WWOX: variants seen among roughly 807,000 people sequenced by gnomAD.
WWOX encodes WW domain containing oxidoreductase.
Under a neutral mutation model 46.2 loss-of-function variants are expected in WWOX, and 69 were observed. The observed-to-expected ratio is 1.49, with a 90% CI of 1.23 to 1.82. The LOEUF is 1.82. Among genes scored for constraint, WWOX ranks in the 40% most tolerant of loss-of-function variants. The pLI, the probability that WWOX is intolerant of heterozygous loss-of-function variation, is 0.00. For missense variants in WWOX, 919 were observed against 542.6 expected (o/e 1.69, Z -6.89); for synonymous variants, 359 against 202.6 (o/e 1.77, Z -6.56).
At chr16:78,977,717 G>C (rs1252546408) in intron 8 of WWOX, among the ~76,000 whole-genome samples, 3 of 152,082 alleles carry the variant, frequency 2.0e-5, no homozygotes, top group African/African-American at 7.2e-5. Flanking sequence ...GGGGCAGGGG[G>C]TGCAGGGGGT....
chr16:78,419,793 C>T (rs2082881010), intron 6 of WWOX, among the ~76,000 whole-genome samples: 2 of 151,844 alleles, frequency 1.3e-5, no homozygotes, highest in South Asian at 4.2e-4. Flanking sequence ...AAAAGATATC[C>T]AGAATGATCC....
intron 8 of WWOX, among the ~76,000 whole-genome samples, chr16:79,128,010 C>G (rs972205227): frequency 5.3e-5 from 8 of 152,116 alleles, no homozygotes; most frequent in African/African-American, 1.9e-4. Flanking sequence ...ATGGCAAAGA[C>G]CCATCATTGA....
At chr16:78,621,510 A>G (rs981843479) in intron 8 of WWOX, among the ~76,000 whole-genome samples, 3 of 137,278 alleles carry the variant, frequency 2.2e-5, no homozygotes, top group Admixed American at 7.5e-5. Context: ...TTTTACTTCT[A>G]TTTGGTAGTC....
At chr16:78,886,097 G>T (rs553285865) in intron 8 of WWOX, among the ~76,000 whole-genome samples, 1 of 151,718 alleles carries the variant, frequency 6.6e-6, no homozygotes, top group Non-Finnish European at 1.5e-5. Flanking sequence ...GCTAATTTTT[G>T]TATATTTAGT....
chr16:79,174,828 A>G (rs2050769220), intron 8 of WWOX, among the ~76,000 whole-genome samples: 1 of 152,248 alleles, frequency 6.6e-6, no homozygotes, highest in Non-Finnish European at 1.5e-5. Context: ...ACTAATTAAG[A>G]GTAAAAAGAT....
chr16:78,998,425 G>C (rs900726303), intron 8 of WWOX, among the ~76,000 whole-genome samples: 3 of 152,138 alleles, frequency 2.0e-5, no homozygotes, highest in African/African-American at 7.2e-5. Context: ...ACATGTGTTT[G>C]TAGAAGGAAC....
Position 78,735,986 on chromosome 16 carries a change from C to T in WWOX, c.1056+303234C>T, listed in dbSNP as rs928242912. The stretch of plus-strand genomic sequence containing the variant: ...GAGAAAACTAGTGTGCCACCTCAAG[C>T]GATTCTGGCCTCTGTTGACTGTCTG... On this transcript the variant is annotated intron_variant, in intron 8 of 8. Transcript: ENST00000566780. Among the ~76,000 whole-genome samples the T allele has an allele frequency of 3.9e-5, 6 of 152,282 alleles. No individual in the cohort carries two copies. In the East Asian group the frequency reaches 5.8e-4, roughly 15 times the overall value.
At chr16:79,109,812 G>A (rs2049382212) in intron 8 of WWOX, among the ~76,000 whole-genome samples, 1 of 152,166 alleles carries the variant, frequency 6.6e-6, no homozygotes, top group African/African-American at 2.4e-5. Flanking sequence ...CTCTAAGGCA[G>A]GCTCGATGAT....
chr16:78,767,613 T>A (rs2049955774), intron 8 of WWOX, among the ~76,000 whole-genome samples: 1 of 152,178 alleles, frequency 6.6e-6, no homozygotes, highest in South Asian at 2.1e-4. Flanking sequence ...TCGTTTCGTA[T>A]CTGTGTGCTT....
At chr16:78,841,649 T>C (rs796960541) in intron 8 of WWOX, among the ~76,000 whole-genome samples, 7 of 152,368 alleles carry the variant, frequency 4.6e-5, no homozygotes, top group South Asian at 4.1e-4. Flanking sequence ...TTTTGTCTTA[T>C]GTTTCTTGAA....
intron 8 of WWOX, among the ~76,000 whole-genome samples, chr16:78,614,037 A>T (rs1479920976): frequency 6.6e-6 from 1 of 152,218 alleles, no homozygotes; most frequent in Non-Finnish European, 1.5e-5. Context: ...TAAAATATTT[A>T]CTATCTGGCT....
intron 8 of WWOX, among the ~76,000 whole-genome samples, chr16:78,767,525 A>G (rs1463380700): frequency 2.0e-5 from 3 of 151,622 alleles, no homozygotes; most frequent in Non-Finnish European, 2.9e-5. Flanking sequence ...TAATACTCCT[A>G]TGAACATTGT....
chr16:78,418,220 G>T (rs1437970557), intron 6 of WWOX, among the ~76,000 whole-genome samples: 2 of 151,810 alleles, frequency 1.3e-5, no homozygotes, highest in Non-Finnish European at 2.9e-5. Context: ...CAAGATTAGT[G>T]GGGCGTGGTG....
intron 8 of WWOX, among the ~76,000 whole-genome samples, chr16:78,617,011 C>T (rs1020623373): frequency 1.3e-5 from 2 of 152,176 alleles, no homozygotes; most frequent in South Asian, 2.1e-4. Flanking sequence ...CAAAACCCAG[C>T]GTGGTGATTT....
rs1049860473 is a variant in WWOX, at chr16:78,681,714, A to C, written c.1056+248962A>C. On this transcript the variant is annotated intron_variant, in intron 8 of 8. Coordinates refer to ENST00000566780, the MANE Select transcript of WWOX (RefSeq NM_016373.4). The stretch of plus-strand genomic sequence containing the variant: ...TCCCCAGCCCAGCTCTTCGTTAATT[A>C]CCTGAAGTGAATGGGACAGTTTCCA... Among the ~76,000 whole-genome samples the C allele has an allele frequency of 7.2e-5, 11 of 152,278 alleles. No individual in the cohort carries two copies. The East Asian group carries it at 2.1e-3, about 29-fold the overall frequency.
intron 8 of WWOX, among the ~76,000 whole-genome samples, chr16:79,061,417 G>C (rs1164711251): frequency 6.6e-6 from 1 of 152,244 alleles, no homozygotes; most frequent in East Asian, 1.9e-4. Context: ...TGCAGTGAGT[G>C]TGGGAGGACT....
chr16:78,333,382 T>C (rs967965164), intron 5 of WWOX, among the ~76,000 whole-genome samples: 2 of 152,096 alleles, frequency 1.3e-5, no homozygotes, highest in Non-Finnish European at 1.5e-5. Context: ...TTTTTTAAAA[T>C]TTTATTTTAA....
chr16:78,569,169 C>T (rs1168691906), intron 8 of WWOX, among the ~76,000 whole-genome samples: 1 of 152,106 alleles, frequency 6.6e-6, no homozygotes, highest in Admixed American at 6.5e-5. Context: ...ACCCTATGGG[C>T]AGAAATGTGA....
intron 5 of WWOX, among the ~76,000 whole-genome samples, chr16:78,284,467 C>T (rs911983839): frequency 6.6e-6 from 1 of 152,216 alleles, no homozygotes; most frequent in African/African-American, 2.4e-5. Flanking sequence ...TACATGTTAA[C>T]ATAAACATGG....
Sources: gnomAD v4.1 joint callset for allele counts (sites outside exome capture counted in the v4.1 genomes callset) on GRCh38, gnomAD v4.1.1 for gene constraint, MANE v1.5 for transcripts, NCBI Gene and HGNC (gene_info 2026-07-23, HGNC 2026-07-21) for gene names.